The following VMP1 variants were observed in gnomAD, a reference collection of about 807,000 sequenced individuals.
VMP1 encodes vacuole membrane protein 1.
Under a neutral mutation model 56.0 loss-of-function variants are expected in VMP1, and 11 were observed. The observed-to-expected ratio is 0.20, with a 90% CI of 0.12 to 0.32. VMP1 has a LOEUF of 0.32. Ranked by LOEUF, VMP1 falls within the 10% of genes least tolerant of loss-of-function variation. VMP1 has a pLI of 1.00. For missense variants in VMP1, 296 were observed against 490.3 expected, an observed-to-expected ratio of 0.60 and a Z score of 3.74; for synonymous variants, 149 against 165.0, an observed-to-expected ratio of 0.90 and a Z score of 0.74.
At chr17:59,828,933 T>C (rs905410947) in intron 10 of VMP1, among the ~76,000 whole-genome samples, 2 of 152,098 alleles carry the variant, frequency 1.3e-5, no homozygotes, top group Non-Finnish European at 2.9e-5. Context: ...CTGACCAACA[T>C]GGTGAAACCC....
intron 10 of VMP1, among the ~76,000 whole-genome samples, chr17:59,823,448 A>C (rs1346626606): frequency 1.2e-4 from 3 of 24,322 alleles, no homozygotes; most frequent in African/African-American, 7.5e-5. Flanking sequence ...GATATGTCTC[A>C]AAAAAAAAAA....
In VMP1 at chr17:59,817,698, T is replaced by C; in HGVS notation, c.913-14T>C. On this transcript the variant is annotated splice_polypyrimidine_tract_variant and intron_variant, in intron 9 of 11. Transcript: ENST00000262291. The stretch of plus-strand genomic sequence containing the variant: ...TGACTAAATAATTTATTTTAACTGG[T>C]GTTTTCTTTACAGAAAATTTTTGTT... 2 of 1,580,420 alleles carry C rather than the reference T, an allele frequency of 1.3e-6. No homozygotes were observed. The highest frequency in any genetic ancestry group is 1.8e-5 in the Admixed American group (1 of 56,720).
Position 59,777,955 on chromosome 17 carries a change from C to G in VMP1, c.714+4070C>G, listed in dbSNP as rs559279337. ...TTTATGTGAGTTTTCCCTCTTTAGT[C>G]TCTGTTCTTGCTTCCTGGAATTCTA... On this transcript the variant is annotated intron_variant, in intron 7 of 11. Coordinates refer to ENST00000262291, the MANE Select transcript of VMP1 (RefSeq NM_030938.5). Among the ~76,000 whole-genome samples the G allele has an allele frequency of 7.6e-4, 115 of 152,256 alleles. 4 individuals carry two copies. The South Asian group carries it at 0.023, about 30-fold the overall frequency.
At chr17:59,809,561 C>T (rs1437367292) in intron 8 of VMP1, among the ~76,000 whole-genome samples, 2 of 123,530 alleles carry the variant, frequency 1.6e-5, no homozygotes, top group Non-Finnish European at 3.2e-5. Context: ...GGCGGTAGTG[C>T]AGTGGCGGGA....
chr17:59,802,311 T>C (rs1429112354), intron 7 of VMP1, among the ~76,000 whole-genome samples: 1 of 151,884 alleles, frequency 6.6e-6, no homozygotes, highest in Non-Finnish European at 1.5e-5. Flanking sequence ...TGTGTAGGTT[T>C]GTAGCCTAGG....
intron 7 of VMP1, among the ~76,000 whole-genome samples, chr17:59,801,624 G>C (rs567941422): frequency 1.3e-5 from 2 of 152,232 alleles, no homozygotes; most frequent in South Asian, 4.1e-4. Flanking sequence ...GCCGGATGAG[G>C]TGGCTCATGC....
At chr17:59,790,091 T>A (rs1401634499) in intron 7 of VMP1, among the ~76,000 whole-genome samples, 2 of 152,060 alleles carry the variant, frequency 1.3e-5, no homozygotes, top group Admixed American at 1.3e-4. Context: ...TCCGCCCACC[T>A]CAGCCTCCCA....
In VMP1 at chr17:59,818,991, A is replaced by G. The variant is rs561937473; in HGVS notation, c.974+1218A>G. ...GCCACTTGATGCTGAGTTTGTGACT[A>G]TTGATTTTTTTGGTCATATATATGT... On this transcript the variant is annotated intron_variant, in intron 10 of 11. Transcript: ENST00000262291. 9.1e-4 allele frequency among the ~76,000 whole-genome samples: 138 copies of G among 152,234 alleles called. 2 individuals are homozygous for G. The highest frequency in any genetic ancestry group is 6.8e-3 in the Middle Eastern group (2 of 292).
chr17:59,748,890 A>ATTTTT (rs67248900), intron 5 of VMP1, among the ~76,000 whole-genome samples: 1 of 65,832 alleles, frequency 1.5e-5, no homozygotes, highest in Non-Finnish European at 4.2e-5. Flanking sequence ...TATTATTATT[A>ATTTTT]TTTATTTTTT....
At chr17:59,806,859 A>G (rs1291107547) in intron 7 of VMP1, among the ~76,000 whole-genome samples, 4 of 152,162 alleles carry the variant, frequency 2.6e-5, no homozygotes, top group Admixed American at 6.5e-5. Context: ...CTAATGATTA[A>G]CTTTGAGAGC....
chr17:59,748,059 G>T (rs2035497756), intron 5 of VMP1, among the ~76,000 whole-genome samples: 1 of 151,924 alleles, frequency 6.6e-6, no homozygotes, highest in African/African-American at 2.4e-5. Context: ...AGCCAGGTGT[G>T]GTGGCGGGCG....
At chr17:59,789,839 T>C (rs1371587802) in intron 7 of VMP1, among the ~76,000 whole-genome samples, 2 of 96,792 alleles carry the variant, frequency 2.1e-5, no homozygotes, top group African/African-American at 4.8e-5. Flanking sequence ...CTTTCCCTTT[T>C]TTTTTTTTTT....
chr17:59,808,482 T>G (rs1309093411), intron 7 of VMP1, among the ~76,000 whole-genome samples: 4 of 152,222 alleles, frequency 2.6e-5, no homozygotes, highest in African/African-American at 9.6e-5. Context: ...GGCCAGTGTT[T>G]CCAAAATAAT....
chr17:59,817,774 G>A lies in VMP1; in HGVS notation c.974+1G>A. ...TGGAGCAAATGGTGGCTTTCATTGG[G>A]TAAGTAATTCTTCAAGGACTAATAT... is the stretch of plus-strand genomic sequence containing the variant. On this transcript the variant is annotated splice_donor_variant, in intron 10 of 11. Transcript: ENST00000262291. LOFTEE classifies it high-confidence loss of function. 6.2e-7 allele frequency: 1 copy of A among 1,604,298 alleles called. No homozygotes were observed. The highest frequency in any genetic ancestry group is 8.5e-7 in the Non-Finnish European group (1 of 1,174,790).
intron 1 of VMP1, among the ~76,000 whole-genome samples, chr17:59,715,550 T>G (rs977186454): frequency 1.3e-5 from 2 of 152,266 alleles, no homozygotes; most frequent in African/African-American, 4.8e-5. Context: ...GGACCCTCCC[T>G]GGACACATCG....
At chr17:59,772,261 G>C (rs1025244335) in intron 6 of VMP1, among the ~76,000 whole-genome samples, 1 of 151,924 alleles carries the variant, frequency 6.6e-6, no homozygotes, top group Non-Finnish European at 1.5e-5. Context: ...AAAGTGCTGG[G>C]ATTCCAGGCG....
intron 1 of VMP1, among the ~76,000 whole-genome samples, chr17:59,728,189 A>C (rs2034682308): frequency 6.6e-6 from 1 of 152,190 alleles, no homozygotes; most frequent in South Asian, 2.1e-4. Context: ...ATGAGGCATA[A>C]ATTTTGAAAA....
At chr17:59,752,335 T>C (rs904949928) in intron 5 of VMP1, among the ~76,000 whole-genome samples, 6 of 152,042 alleles carry the variant, frequency 3.9e-5, no homozygotes, top group Non-Finnish European at 7.4e-5. Context: ...CTCCAACTCA[T>C]TGAATGACAG....
intron 10 of VMP1, among the ~76,000 whole-genome samples, chr17:59,832,916 G>A (rs1200016828): frequency 6.6e-6 from 1 of 151,790 alleles, no homozygotes; most frequent in Non-Finnish European, 1.5e-5. Flanking sequence ...CGGCCGAAAT[G>A]GTAATTCTTT....
Sources: allele counts gnomAD v4.1 joint callset (sites outside exome capture counted in the v4.1 genomes callset), GRCh38; gene constraint gnomAD v4.1.1; transcripts MANE v1.5; gene names NCBI Gene and HGNC (gene_info 2026-07-23, HGNC 2026-07-21).